Variants in CCDC88A observed in about 807,000 individuals in gnomAD.
CCDC88A encodes the protein coiled-coil and HOOK domain protein 88A.
In CCDC88A, 54 loss-of-function variants were observed where a neutral mutation model predicts 234.3. That is an observed-to-expected ratio of 0.23 (90% CI 0.19 to 0.29). The LOEUF (loss-of-function observed/expected upper bound fraction) is 0.29. CCDC88A is among the 10% of genes least tolerant of loss of function. CCDC88A has a pLI of 1.00. For missense variants in CCDC88A, 1,832 were observed against 2,123.4 expected (o/e 0.86, Z 2.70); for synonymous variants, 753 against 737.8 (o/e 1.02, Z -0.33).
intron 2 of CCDC88A, among the ~76,000 whole-genome samples, chr2:55,401,499 CATATATATATATATAT>C (rs70954117): frequency 0.053 from 2,902 of 54,580 alleles, 292 homozygotes; most frequent in African/African-American, 0.083. Flanking sequence ...TGTGTGTATA[CATATATATATATATAT>C]ATATATATAT....
At position 55,332,744 on chromosome 2, in the gene CCDC88A, T is replaced by G. The variant is rs754596234; in HGVS notation, c.2728-51A>C. 6.2e-5 allele frequency: 96 copies of G among 1,540,438 alleles called. No homozygotes were observed. The highest frequency in any genetic ancestry group is 5.3e-6 in the Non-Finnish European group (6 of 1,123,562). On this transcript the variant is annotated intron_variant, in intron 15 of 32. Coordinates refer to ENST00000436346, the MANE Select transcript of CCDC88A (RefSeq NM_001365480.1). The surrounding 1 kb of genome is among the most constrained non-coding windows in gnomAD (Gnocchi z 4.5). ...CACCTAAGTGTCAAGGGTATAAACATCTAAGAAAGTCAGCTAAGATTCTAA... is the reference window on the plus strand; with the variant it reads ...CACCTAAGTGTCAAGGGTATAAACAGCTAAGAAAGTCAGCTAAGATTCTAA...
chr2:55,370,142 A>G lies in CCDC88A; in HGVS notation c.402+2310T>C, dbSNP rs1448638763. On this transcript the variant is annotated intron_variant, in intron 5 of 32. Coordinates refer to ENST00000436346, the MANE Select transcript of CCDC88A (RefSeq NM_001365480.1). Reference sequence around the variant, plus strand: ...TCTCAAGTAAAAGCATAATTCTGCTATGACTACATGGACATAAAATATATA... The same window carrying G: ...TCTCAAGTAAAAGCATAATTCTGCTGTGACTACATGGACATAAAATATATA... Among the ~76,000 whole-genome samples, 4 of 152,336 alleles carry G rather than the reference A, an allele frequency of 2.6e-5. No individual in the cohort carries two copies. In the East Asian group the frequency reaches 7.7e-4, roughly 29 times the overall value.
chr2:55,358,941 T>TG (rs1670941791), intron 7 of CCDC88A, among the ~76,000 whole-genome samples: 2 of 152,138 alleles, frequency 1.3e-5, no homozygotes, highest in Admixed American at 6.6e-5. Context: ...TCCACATACT[T>TG]GGAGTCAACT....
Position 55,334,223 on chromosome 2 carries a change from G to A in CCDC88A, c.2598C>T (p.Asn866=). 1 of 1,451,900 alleles carries A rather than the reference G, an allele frequency of 6.9e-7. No individual in the cohort carries two copies. Among genetic ancestry groups the A allele is most frequent in the Admixed American group, 2.6e-5 (1 of 38,014 alleles). 89.9% of individuals were successfully genotyped at this position (1,451,900 alleles called of 1,614,324 possible). ...NVKIGNLEKE[N]KTLSKEIGIY... Reference sequence around the variant, plus strand: ...TACCAATTTCTTTGGATAGGGTTTTGTTTTCTTTTTCCAAATTTCCAATCT... The same window carrying A: ...TACCAATTTCTTTGGATAGGGTTTTATTTTCTTTTTCCAAATTTCCAATCT... The change falls in exon 15 of 33, where the codon AAC becomes AAT. Residue 866 remains asparagine (N), a synonymous_variant. Transcript: ENST00000436346. The surrounding 1 kb of genome is among the most constrained non-coding windows in gnomAD (Gnocchi z 6.1).
intron 2 of CCDC88A, among the ~76,000 whole-genome samples, chr2:55,393,300 T>G (rs1454612567): frequency 1.5e-5 from 2 of 131,352 alleles, no homozygotes; most frequent in African/African-American, 5.7e-5. Context: ...TTTTTTTTTT[T>G]TTTTTTTTTT....
At chr2:55,325,971 T>TA (rs1316678208) in intron 17 of CCDC88A, among the ~76,000 whole-genome samples, 1 of 148,698 alleles carries the variant, frequency 6.7e-6, no homozygotes. Context: ...TGGAATGATA[T>TA]ATCATTTTCC....
At chr2:55,367,175 A>T (rs1672098438) in intron 5 of CCDC88A, among the ~76,000 whole-genome samples, 1 of 152,210 alleles carries the variant, frequency 6.6e-6, no homozygotes, top group African/African-American at 2.4e-5. Flanking sequence ...GTATGATTCC[A>T]TTTATATGAG....
rs369998690 is a variant in CCDC88A at position 55,407,999 on chromosome 2, T to G, written c.164+10817A>C. ...TCCCAAAGTGCTGGGATTACAGGTG[T>G]GAGCCACCGCGCCTGGCCCTTTCTA... On this transcript the variant is annotated intron_variant, in intron 2 of 32. Transcript: ENST00000436346. 7.2e-5 allele frequency among the ~76,000 whole-genome samples: 11 copies of G among 151,998 alleles called. No individual in the cohort carries two copies. The East Asian group carries it at 7.7e-4, about 11-fold the overall frequency.
At chr2:55,384,598 T>TATAC (rs1675237010) in intron 3 of CCDC88A, among the ~76,000 whole-genome samples, 1 of 137,568 alleles carries the variant, frequency 7.3e-6, no homozygotes, top group Non-Finnish European at 1.5e-5. Context: ...TACACATATA[T>TATAC]ACGTATATAT....
rs200637526 is a variant in CCDC88A, at chr2:55,317,660, C to T, written c.3506G>A (p.Arg1169His). ...AAGAGATTCATACTCTGAAGCCTGA[C>T]GTTCATGAAGAAGTTCCAGCTTTTC... ...DHEKLELLHE[R>H]QASEYESLIS... Residue 1169 changes from arginine (R) to histidine (H), a missense_variant, in exon 20 of 33, where the codon CGT (arginine) becomes CAT (histidine). By Grantham distance (29) the Arg-to-His change is conservative. Transcript: ENST00000436346. The surrounding 1 kb of genome is among the most constrained non-coding windows in gnomAD (Gnocchi z 4.2). 9.9e-6 allele frequency: 16 copies of T among 1,612,972 alleles called. No individual in the cohort carries two copies. The highest frequency in any genetic ancestry group is 2.7e-5 in the African/African-American group (2 of 74,856).
intron 5 of CCDC88A, among the ~76,000 whole-genome samples, chr2:55,370,615 T>C (rs1290416111): frequency 8.6e-6 from 1 of 115,942 alleles, no homozygotes; most frequent in Non-Finnish European, 1.7e-5. Flanking sequence ...CACTCCAGCC[T>C]GGGCAAAAAG....
chr2:55,376,982 C>G (rs1160539729), intron 3 of CCDC88A, among the ~76,000 whole-genome samples: 2 of 152,100 alleles, frequency 1.3e-5, no homozygotes, highest in Admixed American at 6.6e-5. Context: ...AGGCGCCCAC[C>G]ACCATGCCTG....
rs146825683 is a variant in CCDC88A, at chr2:55,417,957, T to A, written c.164+859A>T. 47 of 152,210 alleles carry A rather than the reference T, an allele frequency of 3.1e-4. No individual in the cohort carries two copies. The East Asian group carries it at 8.9e-3, about 29-fold the overall frequency. The allele number at this position is 152,210 out of a possible 1,614,324, so 9.4% of individuals were successfully genotyped here. A position where few individuals can be genotyped will look rare whatever the true frequency, so the allele number is the denominator to read the frequency against. The stretch of plus-strand genomic sequence containing the variant: ...AAGTATACATTACTTTGAGCACAAC[T>A]GAAAAATTCAGTTTGATAAACTACA... On this transcript the variant is annotated intron_variant, in intron 2 of 32. Transcript: ENST00000436346.
intron 12 of CCDC88A, among the ~76,000 whole-genome samples, chr2:55,340,904 A>T (rs1668386922): frequency 6.6e-6 from 1 of 152,124 alleles, no homozygotes; most frequent in Non-Finnish European, 1.5e-5. Context: ...TAGATCTCTT[A>T]AACTTATTCT....
rs1172036183 is a variant in CCDC88A at position 55,398,637 on chromosome 2, C to T, written c.165-9751G>A. Among the ~76,000 whole-genome samples the T allele has an allele frequency of 2.0e-5, 3 of 151,832 alleles. No individual in the cohort carries two copies. In the East Asian group the frequency reaches 5.8e-4, roughly 29 times the overall value. The stretch of plus-strand genomic sequence containing the variant: ...GAAAAGTCCTAAGCTCCTGGGCTGG[C>T]AACGATGGCTTACGCCTGTAATCCC... On this transcript the variant is annotated intron_variant, in intron 2 of 32. Coordinates refer to ENST00000436346, the MANE Select transcript of CCDC88A (RefSeq NM_001365480.1).
At chr2:55,326,973 G>A (rs1684343999) in intron 17 of CCDC88A, among the ~76,000 whole-genome samples, 1 of 152,162 alleles carries the variant, frequency 6.6e-6, no homozygotes, top group Admixed American at 6.6e-5. Flanking sequence ...GATTTTATTT[G>A]CAACTCAGTG....
At chr2:55,342,620 T>A (rs1668652353) in intron 12 of CCDC88A, among the ~76,000 whole-genome samples, 1 of 152,166 alleles carries the variant, frequency 6.6e-6, no homozygotes, top group African/African-American at 2.4e-5. Flanking sequence ...CACAAATATC[T>A]CAAGTAACAC....
At chr2:55,312,699 G>T in intron 22 of CCDC88A, 120 bp from the exon 23 acceptor site, 1 of 701,722 alleles carries the variant, frequency 1.4e-6, no homozygotes, top group Non-Finnish European at 2.3e-6. Context: ...TTAGATGATT[G>T]TACTTTTATC....
At chr2:55,381,955 A>C (rs1212404895) in intron 3 of CCDC88A, among the ~76,000 whole-genome samples, 1 of 152,212 alleles carries the variant, frequency 6.6e-6, no homozygotes, top group African/African-American at 2.4e-5. Flanking sequence ...GTACATGACA[A>C]CATTTATCAT....
Sources: allele counts gnomAD v4.1 joint callset (sites outside exome capture counted in the v4.1 genomes callset), GRCh38; gene constraint gnomAD v4.1.1; non-coding constraint Gnocchi (gnomAD v3.1); transcripts MANE v1.5; gene names NCBI Gene and HGNC (gene_info 2026-07-23, HGNC 2026-07-21).